PGAP3: variants seen among roughly 807,000 people sequenced by gnomAD.
PGAP3 encodes the protein GPI-specific phospholipase A2-like PGAP3.
PGAP3 carries 31 observed loss-of-function variants against 40.3 expected under a neutral mutation model. The observed-to-expected ratio is 0.77, with a 90% confidence interval of 0.58 to 1.04. The LOEUF (loss-of-function observed/expected upper bound fraction) is 1.04. Among genes scored for constraint, PGAP3 ranks in the 50% least tolerant of loss-of-function variants. The probability of loss-of-function intolerance (pLI) is 0.00; values close to 1 mark genes in which losing one functional copy is unlikely to be tolerated. For missense variants in PGAP3, 413 were observed against 423.0 expected (o/e 0.98, Z 0.21); for synonymous variants, 191 against 184.5 (o/e 1.04, Z -0.29).
intron 5 of PGAP3, 56 bp from the exon 6 acceptor site, chr17:39,673,706 T>A: frequency 4.4e-6 from 7 of 1,600,594 alleles, no homozygotes; most frequent in Non-Finnish European, 5.1e-6. Context: ...CAGAGCAGCA[T>A]TCCCTGAAGC....
chr17:39,673,275 GGA>G lies in PGAP3; in HGVS notation c.695-22_695-21del. On this transcript the variant is annotated intron_variant, in intron 6 of 7. Transcript: ENST00000300658. ...CCAGGCCTGGGTGCCAGTGGGGGCA[GGA>G]GAGACTCATTCCTTCGGCTCCTTCT... 6.4e-7 allele frequency: 1 copy of G among 1,555,358 alleles called. No homozygotes were observed. Among genetic ancestry groups the G allele is most frequent in the Non-Finnish European group, 8.7e-7 (1 of 1,150,016 alleles).
Position 39,672,855 on chromosome 17 carries a change from T to C in PGAP3, c.911A>G (p.Asp304Gly). 6.2e-7 allele frequency: 1 copy of C among 1,614,134 alleles called. No homozygotes were observed. Among genetic ancestry groups the C allele is most frequent in the Non-Finnish European group, 8.5e-7 (1 of 1,180,008 alleles). Residue 304 changes from aspartate (D) to glycine (G), a missense_variant, in exon 8 of 8, where the codon GAT becomes GGT. Physicochemically the swap from Asp to Gly is moderately conservative, Grantham distance 94 (BLOSUM62 -1). Transcript: ENST00000300658. ...VHVLFFSFLE[D>G]DSLYLLKESE... The stretch of plus-strand genomic sequence containing the variant: ...TTCCTTCAGCAGGTACAGGCTGTCA[T>C]CTTCCAGAAAGCTGTGGGCCAAAGG...
chr17:39,685,146 C>T (rs1353861435), intron 2 of PGAP3, among the ~76,000 whole-genome samples: 1 of 152,012 alleles, frequency 6.6e-6, no homozygotes, highest in Non-Finnish European at 1.5e-5. Context: ...TACTTCCTGC[C>T]AACCTCAACA....
chr17:39,685,314 T>TAAAA (rs34291948), intron 2 of PGAP3, among the ~76,000 whole-genome samples: 1 of 125,276 alleles, frequency 8.0e-6, no homozygotes, highest in African/African-American at 2.9e-5. Flanking sequence ...CATCTCTACT[T>TAAAA]AAAAAAAAAA....
At position 39,672,354 on chromosome 17, in the gene PGAP3, G is replaced by C. The variant is rs1476400708; in HGVS notation, c.*449C>G. The C allele has an allele frequency of 4.9e-6, 1 of 205,490 alleles. No homozygotes were observed. The highest frequency in any genetic ancestry group is 2.3e-5 in the African/African-American group (1 of 42,818). 12.7% of individuals were successfully genotyped at this position (205,490 alleles called of 1,614,324 possible). A position where few individuals can be genotyped will look rare whatever the true frequency, so the allele number is the denominator to read the frequency against. On this transcript the variant is annotated 3_prime_UTR_variant, in exon 8 of 8. Coordinates refer to ENST00000300658, the MANE Select transcript of PGAP3 (RefSeq NM_033419.5). ...AAGAACAAGCATCCAGCACCACCTAGTGGTGTCCTGGAGGAGGGTGGGGGG... is the reference window on the plus strand; with the variant it reads ...AAGAACAAGCATCCAGCACCACCTACTGGTGTCCTGGAGGAGGGTGGGGGG...
At chr17:39,677,429 C>A (rs531799774) in intron 3 of PGAP3, among the ~76,000 whole-genome samples, 15 of 152,268 alleles carry the variant, frequency 9.9e-5, no homozygotes, top group African/African-American at 3.6e-4. Context: ...AGGAAGAGCC[C>A]CTCCTCCTTC....
In PGAP3 at chr17:39,672,404, A is replaced by G. The variant is rs1313119432; in HGVS notation, c.*399T>C. On this transcript the variant is annotated 3_prime_UTR_variant, in exon 8 of 8. Coordinates refer to ENST00000300658, the MANE Select transcript of PGAP3 (RefSeq NM_033419.5). ...GTGGTAACAGAAGGGGACCCCCTGT[A>G]TCCCTAAGGCCTGTGGTCCCTGGTC... 4 of 247,108 alleles carry G rather than the reference A, an allele frequency of 1.6e-5. No homozygotes were observed. The highest frequency in any genetic ancestry group is 3.2e-5 in the Non-Finnish European group (4 of 126,730). The allele number at this position is 247,108 out of a possible 1,614,324, so 15.3% of individuals were successfully genotyped here.
rs1272105960 is a variant in PGAP3, at chr17:39,672,447, G to A, written c.*356C>T. On this transcript the variant is annotated 3_prime_UTR_variant, in exon 8 of 8. Transcript: ENST00000300658. ...CCCTGGTCTCCCAGGTAGACAGAGG[G>A]CTTCAGGACCCAGCCAGGCAGCTGG... 13 of 350,404 alleles carry A rather than the reference G, an allele frequency of 3.7e-5. No homozygotes were observed. The East Asian group carries it at 8.0e-4, about 22-fold the overall frequency. 21.7% of individuals were successfully genotyped at this position (350,404 alleles called of 1,614,324 possible).
At chr17:39,678,950 CTGTTTT>C (rs1277227769) in intron 3 of PGAP3, among the ~76,000 whole-genome samples, 1 of 152,076 alleles carries the variant, frequency 6.6e-6, no homozygotes, top group East Asian at 1.9e-4. Context: ...CCTGCTTTTT[CTGTTTT>C]TGTTTTTGTT....
At position 39,684,614 on chromosome 17, in the gene PGAP3, A is replaced by T. The variant is rs2057484483; in HGVS notation, c.415T>A (p.Cys139Ser). 1 of 1,612,932 alleles carries T rather than the reference A, an allele frequency of 6.2e-7. No individual in the cohort carries two copies. Among genetic ancestry groups the T allele is most frequent in the Non-Finnish European group, 8.5e-7 (1 of 1,179,512 alleles). ...TTACCTACCCAGGCGAAGGCCACAC[A>T]GGTGTGGTACATGGGGGAGGAGGCT... ...VPASSPMYHT[C>S]VAFAWVSLNA... Residue 139 changes from cysteine to serine, a missense_variant, in exon 3 of 8, where the codon TGT (cysteine) becomes AGT (serine). Transcript: ENST00000300658.
rs867183863 is a variant in PGAP3, at chr17:39,673,222, C to A, written c.728G>T (p.Cys243Phe). ...LVNVVWWLAW[C>F]LWNQRRLPHV... Reference sequence around the variant, plus strand: ...AGGCAGCCGCCGCTGGTTCCACAGGCACCAGGCCAGCCACCACACCACGTT... The same window carrying A: ...AGGCAGCCGCCGCTGGTTCCACAGGAACCAGGCCAGCCACCACACCACGTT... The change falls in exon 7 of 8, where the codon TGC becomes TTC. Residue 243 changes from cysteine to phenylalanine, a missense_variant. By Grantham distance (205) the Cys-to-Phe change is radical. Coordinates refer to ENST00000300658, the MANE Select transcript of PGAP3 (RefSeq NM_033419.5). The A allele has an allele frequency of 1.3e-6, 2 of 1,565,314 alleles. No individual in the cohort carries two copies. The highest frequency in any genetic ancestry group is 1.4e-5 in the African/African-American group (1 of 73,848).
At chr17:39,676,035 A>G (rs2057371531) in intron 3 of PGAP3, among the ~76,000 whole-genome samples, 1 of 152,128 alleles carries the variant, frequency 6.6e-6, no homozygotes, top group African/African-American at 2.4e-5. Flanking sequence ...TCCTTTGAGG[A>G]TGGCCACTCT....
intron 1 of PGAP3, among the ~76,000 whole-genome samples, chr17:39,686,409 A>G (rs1567880212): frequency 6.6e-6 from 1 of 151,856 alleles, no homozygotes; most frequent in Non-Finnish European, 1.5e-5. Flanking sequence ...GGCATGCACC[A>G]CCACACCCAA....
rs200555500 is a variant in PGAP3 at position 39,673,950 on chromosome 17, C to A, written c.557+43G>T. 35 of 1,595,648 alleles carry A rather than the reference C, an allele frequency of 2.2e-5. No homozygotes were observed. In the African/African-American group the frequency reaches 4.4e-4, roughly 20 times the overall value. On this transcript the variant is annotated intron_variant, in intron 5 of 7. Transcript: ENST00000300658. ...AAGGCTGGGTGACCCCTTTCTGCCCCCAGGGTTCGATTTTGCCCCTGCAGC... is the reference window on the plus strand; with the variant it reads ...AAGGCTGGGTGACCCCTTTCTGCCCACAGGGTTCGATTTTGCCCCTGCAGC...
chr17:39,686,010 C>A lies in PGAP3; in HGVS notation c.191G>T (p.Cys64Phe), dbSNP rs929883652. 6.2e-7 allele frequency: 1 copy of A among 1,612,394 alleles called. No individual in the cohort carries two copies. The highest frequency in any genetic ancestry group is 1.7e-5 in the Admixed American group (1 of 59,926). Residue 64 changes from cysteine (C) to phenylalanine (F), a missense_variant, in exon 2 of 8, where the codon TGT becomes TTT. Transcript: ENST00000300658. ...ACACTCATACTTACAGTCGTCCCGA[C>A]AGGTCCAGCCTGAAACAGACAAATG... Reference protein sequence around the residue: ...PIYMSLAGWTCRDDCKYECMW... With the variant: ...PIYMSLAGWTFRDDCKYECMW...
chr17:39,674,807 C>T, intron 3 of PGAP3, 128 bp from the exon 4 acceptor site: 2 of 936,014 alleles, frequency 2.1e-6, no homozygotes, highest in Non-Finnish European at 3.2e-6. Flanking sequence ...CTTTTCCTGC[C>T]CCTGGAGCCC....
intron 2 of PGAP3, among the ~76,000 whole-genome samples, chr17:39,685,164 A>C (rs2057493522): frequency 2.0e-5 from 3 of 152,072 alleles, no homozygotes; most frequent in Non-Finnish European, 2.9e-5. Flanking sequence ...ACAGGCCAGA[A>C]TGAGATAATA....
chr17:39,681,164 C>G (rs902381369), intron 3 of PGAP3, among the ~76,000 whole-genome samples: 1 of 152,186 alleles, frequency 6.6e-6, no homozygotes, highest in African/African-American at 2.4e-5. Flanking sequence ...CTGCGCCCGG[C>G]CTCCATCACT....
intron 2 of PGAP3, 27 bp from the exon 3 acceptor site, chr17:39,684,776 T>C (rs749109337): frequency 1.5e-4 from 237 of 1,554,950 alleles, no homozygotes; most frequent in Non-Finnish European, 1.9e-4. Flanking sequence ...TGAAGGAGGT[T>C]TGAAGGGCAG....
Sources: gnomAD v4.1 joint callset for allele counts (sites outside exome capture counted in the v4.1 genomes callset) on GRCh38, gnomAD v4.1.1 for gene constraint, MANE v1.5 for transcripts, NCBI Gene and HGNC (gene_info 2026-07-23, HGNC 2026-07-21) for gene names.